SIPA1L2: variants seen among roughly 807,000 people sequenced by gnomAD.
SIPA1L2 encodes signal induced proliferation associated 1 like 2, also known as signal-induced proliferation-associated 1-like protein 2.
In SIPA1L2, 56 loss-of-function variants were observed where a neutral mutation model predicts 163.9. The observed-to-expected ratio is 0.34, with a 90% CI of 0.28 to 0.43. The LOEUF is 0.43. SIPA1L2 is among the 20% of genes least tolerant of loss of function. The pLI, the probability that SIPA1L2 is intolerant of heterozygous loss-of-function variation, is 1.00. For missense variants in SIPA1L2, 1,974 were observed against 2,193.5 expected (o/e 0.90, Z 2.00); for synonymous variants, 877 against 865.7 (o/e 1.01, Z -0.23).
chr1:232,459,117 T>C (rs1474999635), intron 10 of SIPA1L2, among the ~76,000 whole-genome samples: 1 of 152,250 alleles, frequency 6.6e-6, no homozygotes, highest in East Asian at 1.9e-4. Context: ...ATTTTGCACA[T>C]TAACCATAGA....
At chr1:232,400,123 T>C (rs1182365951) in intron 22 of SIPA1L2, among the ~76,000 whole-genome samples, 1 of 152,100 alleles carries the variant, frequency 6.6e-6, no homozygotes, top group Non-Finnish European at 1.5e-5. Context: ...ACACTGGTCC[T>C]CAGAGGAGGC....
rs746513120 is a variant in SIPA1L2, at chr1:232,513,982, G to C, written c.1358C>G (p.Ala453Gly). 1 of 1,614,224 alleles carries C rather than the reference G, an allele frequency of 6.2e-7. No individual in the cohort carries two copies. The highest frequency in any genetic ancestry group is 1.7e-5 in the Admixed American group (1 of 60,030). The change falls in exon 3 of 23, where the codon GCA (alanine) becomes GGA (glycine). Residue 453 changes from alanine (A) to glycine (G), a missense_variant. Physicochemically the swap from Ala to Gly is moderately conservative, Grantham distance 60. Coordinates refer to ENST00000674635, the MANE Select transcript of SIPA1L2 (RefSeq NM_020808.5). ...GGGCACTTCCAAGACGGAGACACCT[G>C]CATTTGTGCAGTGAGAGCTGAGTGA... is the stretch of plus-strand genomic sequence containing the variant. ...ESSLSSHCTN[A>G]GVSVLEVPRE...
chr1:232,409,507 G>A (rs568178939), intron 19 of SIPA1L2, among the ~76,000 whole-genome samples: 6 of 152,242 alleles, frequency 3.9e-5, no homozygotes, highest in Middle Eastern at 3.4e-3. Flanking sequence ...CTGGAATACC[G>A]GCCTTGTGAA....
At chr1:232,490,082 A>G (rs1424259236) in intron 5 of SIPA1L2, among the ~76,000 whole-genome samples, 1 of 152,140 alleles carries the variant, frequency 6.6e-6, no homozygotes, top group Non-Finnish European at 1.5e-5. Flanking sequence ...GAAAACCTTC[A>G]ATGGCTCCCC....
intron 7 of SIPA1L2, among the ~76,000 whole-genome samples, chr1:232,477,660 C>T (rs1665113943): frequency 6.6e-6 from 1 of 152,204 alleles, no homozygotes; most frequent in South Asian, 2.1e-4. Flanking sequence ...CACTGCTTTG[C>T]TGTCCTGATT....
chr1:232,538,214 T>C (rs1380131765), intron 2 of SIPA1L2, among the ~76,000 whole-genome samples: 3 of 152,216 alleles, frequency 2.0e-5, no homozygotes, highest in Non-Finnish European at 4.4e-5. Flanking sequence ...GGGGATCTTC[T>C]GCTGACACCT....
intron 1 of SIPA1L2, among the ~76,000 whole-genome samples, chr1:232,588,047 C>T (rs569897845): frequency 2.0e-5 from 3 of 152,278 alleles, no homozygotes; most frequent in Non-Finnish European, 2.9e-5. Flanking sequence ...AGCAGGAAAA[C>T]GGACTAATAC....
intron 19 of SIPA1L2, among the ~76,000 whole-genome samples, chr1:232,411,355 G>T (rs1009385855): frequency 5.3e-5 from 8 of 152,246 alleles, no homozygotes; most frequent in Non-Finnish European, 1.0e-4. Flanking sequence ...AGGTATCTGG[G>T]GTTTGAGGGG....
chr1:232,423,283 G>C (rs1014362272), intron 18 of SIPA1L2, among the ~76,000 whole-genome samples: 1 of 152,146 alleles, frequency 6.6e-6, no homozygotes, highest in South Asian at 2.1e-4. Context: ...AACTTATGGT[G>C]GGTTTATCTG....
intron 19 of SIPA1L2, among the ~76,000 whole-genome samples, chr1:232,410,032 C>T (rs538054611): frequency 1.3e-5 from 2 of 152,102 alleles, no homozygotes; most frequent in African/African-American, 4.8e-5. Flanking sequence ...GTATAAAACC[C>T]TATCTAAATT....
chr1:232,592,909 T>C (rs1009195508), intron 1 of SIPA1L2, among the ~76,000 whole-genome samples: 1 of 152,132 alleles, frequency 6.6e-6, no homozygotes, highest in Non-Finnish European at 1.5e-5. Flanking sequence ...AAGGGGAAAT[T>C]AGTCCCAAGT....
Position 232,564,147 on chromosome 1 carries a change from T to G in SIPA1L2, c.-270+10027A>C, listed in dbSNP as rs1358593779. ...ACGACGAAGGTTGTTTTTTTTTTTT[T>G]TCGTGTGTGTGTGTGTGTGTGTGTG... On this transcript the variant is annotated intron_variant, in intron 2 of 22. Coordinates refer to ENST00000674635, the MANE Select transcript of SIPA1L2 (RefSeq NM_020808.5). Among the ~76,000 whole-genome samples, 16 of 31,190 alleles carry G rather than the reference T, an allele frequency of 5.1e-4. 1 individual carries two copies. The highest frequency in any genetic ancestry group is 3.5e-3 in the African/African-American group (16 of 4,524). 20.5% of individuals were successfully genotyped at this position (31,190 alleles called of 152,430 possible). A position where few individuals can be genotyped will look rare whatever the true frequency, so the allele number is the denominator to read the frequency against.
Position 232,398,313 on chromosome 1 carries a change from C to A in SIPA1L2, c.*814G>T, listed in dbSNP as rs1344139408. 1 of 152,638 alleles carries A rather than the reference C, an allele frequency of 6.6e-6. No individual in the cohort carries two copies. The highest frequency in any genetic ancestry group is 2.4e-5 in the African/African-American group (1 of 41,440). 9.5% of individuals were successfully genotyped at this position (152,638 alleles called of 1,614,324 possible). A position where few individuals can be genotyped will look rare whatever the true frequency, so the allele number is the denominator to read the frequency against. On this transcript the variant is annotated 3_prime_UTR_variant, in exon 23 of 23. Coordinates refer to ENST00000674635, the MANE Select transcript of SIPA1L2 (RefSeq NM_020808.5). ...TTGTACAAGTGGTTCCGCTGGCTCACAGCACACAGGGAAGTTCTAGTGAGT... is the reference window on the plus strand; with the variant it reads ...TTGTACAAGTGGTTCCGCTGGCTCAAAGCACACAGGGAAGTTCTAGTGAGT...
chr1:232,419,167 G>A (rs930799705), intron 18 of SIPA1L2, among the ~76,000 whole-genome samples: 1 of 152,166 alleles, frequency 6.6e-6, no homozygotes, highest in African/African-American at 2.4e-5. Flanking sequence ...TTAATGAAGA[G>A]CATAGTTTAG....
In SIPA1L2 at chr1:232,513,844, G is replaced by A; in HGVS notation, c.1483+13C>T. 6.5e-7 allele frequency: 1 copy of A among 1,545,190 alleles called. No homozygotes were observed. The highest frequency in any genetic ancestry group is 8.7e-7 in the Non-Finnish European group (1 of 1,150,870). On this transcript the variant is annotated intron_variant, in intron 3 of 22. Transcript: ENST00000674635. ...TCCCGAGACACATGCAAACGCCCAT[G>A]GCTCTTCCTTACCTTTCCCATAGAA...
intron 2 of SIPA1L2, among the ~76,000 whole-genome samples, chr1:232,566,329 C>T (rs761857597): frequency 2.0e-5 from 3 of 152,156 alleles, no homozygotes; most frequent in Non-Finnish European, 4.4e-5. Context: ...TGAATTGTTC[C>T]TTTATAAAGC....
At chr1:232,558,255 G>A (rs958924339) in intron 2 of SIPA1L2, among the ~76,000 whole-genome samples, 1 of 152,124 alleles carries the variant, frequency 6.6e-6, no homozygotes, top group Non-Finnish European at 1.5e-5. Context: ...GCAGGAACTG[G>A]GGACATGAAA....
At chr1:232,474,457 A>C (rs1450254502) in intron 7 of SIPA1L2, among the ~76,000 whole-genome samples, 1 of 152,242 alleles carries the variant, frequency 6.6e-6, no homozygotes, top group Non-Finnish European at 1.5e-5. Flanking sequence ...GTTTAGCCTC[A>C]GTTCCTTAAA....
intron 8 of SIPA1L2, among the ~76,000 whole-genome samples, chr1:232,469,649 A>G (rs747041206): frequency 1.7e-4 from 26 of 152,182 alleles, no homozygotes; most frequent in Non-Finnish European, 3.5e-4. Context: ...TTAAAAACCA[A>G]TGACTCCATC....
Sources: allele counts gnomAD v4.1 joint callset (sites outside exome capture counted in the v4.1 genomes callset), GRCh38; gene constraint gnomAD v4.1.1; transcripts MANE v1.5; gene names NCBI Gene and HGNC (gene_info 2026-07-23, HGNC 2026-07-21).